RDH13: variants seen among roughly 807,000 people sequenced by gnomAD.
RDH13 encodes retinol dehydrogenase 13, also known as retinol dehydrogenase 13 (all-trans and 9-cis).
In RDH13, 35 loss-of-function variants were observed where a neutral mutation model predicts 28.3. The ratio of observed to expected loss-of-function variants is 1.24; its 90% CI spans 0.95 to 1.64. RDH13 has a LOEUF of 1.64. Ranked by LOEUF, RDH13 falls within the 40% of genes most tolerant of loss-of-function variation. The probability of loss-of-function intolerance (pLI) is 0.00; values close to 1 mark genes in which losing one functional copy is unlikely to be tolerated. For missense variants in RDH13, 514 were observed against 446.3 expected, an observed-to-expected ratio of 1.15 and a Z score of -1.37; for synonymous variants, 229 against 198.5, an observed-to-expected ratio of 1.15 and a Z score of -1.29.
At chr19:55,040,471 A>G (rs557213697), downstream of RDH13, 1 of 152,150 alleles carries the variant, frequency 6.6e-6, no homozygotes, top group African/African-American at 2.4e-5. Context: ...TTGTATGTGC[A>G]CTTACAGGTG....
intron 2 of RDH13, among the ~76,000 whole-genome samples, chr19:55,057,967 G>T (rs1271807953): frequency 1.3e-5 from 2 of 151,696 alleles, no homozygotes; most frequent in African/African-American, 4.8e-5. Context: ...TAGAGATGGG[G>T]GTGTTGCTAT....
Position 55,055,434 on chromosome 19 carries a change from G to A in RDH13, c.340+1219C>T, listed in dbSNP as rs560057950. Among the ~76,000 whole-genome samples, 10 of 152,132 alleles carry A rather than the reference G, an allele frequency of 6.6e-5. 1 individual carries two copies. The highest frequency in any genetic ancestry group is 3.3e-4 in the Admixed American group (5 of 15,284). The stretch of plus-strand genomic sequence containing the variant: ...TCCCAAAGTGCTGGGATTAACAGGC[G>A]TGAGCCACTGTGCCCAGCCAGTTCT... On this transcript the variant is annotated intron_variant, in intron 3 of 6. Transcript: ENST00000415061.
rs375084398 is a variant in RDH13, at chr19:55,045,185, G to A, written c.885C>T (p.Ala295=). The A allele has an allele frequency of 1.8e-4, 284 of 1,613,558 alleles. No individual in the cohort carries two copies. The highest frequency in any genetic ancestry group is 1.3e-4 in the African/African-American group (10 of 74,946). Residue 295 remains alanine, a synonymous_variant, in exon 7 of 7, where the codon GCC becomes GCT. Transcript: ENST00000415061. The part of the protein sequence containing the change: ...GKYFDGLKQK[A]PAPEAEDEEV... ...CCTCATCCTCAGCCTCGGGGGCCGG[G>A]GCCTTCTGTTTGAGTCCATCGAAGT...
At chr19:55,045,881 G>C (rs1489439572) in intron 6 of RDH13, among the ~76,000 whole-genome samples, 1 of 150,316 alleles carries the variant, frequency 6.7e-6, no homozygotes, top group African/African-American at 2.5e-5. Flanking sequence ...GGGAGGCGGA[G>C]GTTGCAGTGA....
rs544021653 is a variant in RDH13 at position 55,048,308 on chromosome 19, C to T, written c.658+21G>A. On this transcript the variant is annotated intron_variant, in intron 5 of 6. Transcript: ENST00000415061. ...GGCTCAGAGTAAAGCAAGAGGGAGG[C>T]CGAGCCTAGCGCCCCCGTACCTTGC... 99 of 1,613,526 alleles carry T rather than the reference C, an allele frequency of 6.1e-5. No individual in the cohort carries two copies. In the South Asian group the frequency reaches 1.0e-3, roughly 17 times the overall value.
At chr19:55,061,904 G>C (rs1437694004) in intron 1 of RDH13, among the ~76,000 whole-genome samples, 2 of 152,120 alleles carry the variant, frequency 1.3e-5, no homozygotes, top group African/African-American at 4.8e-5. Context: ...GATCCCCTTT[G>C]GTCGGGAGCT....
At position 55,045,080 on chromosome 19, in the gene RDH13, GGGGA is replaced by G; in HGVS notation, c.986_989del (p.Leu329ProfsTer82). 2.5e-6 allele frequency: 4 copies of G among 1,600,372 alleles called. No homozygotes were observed. Among genetic ancestry groups the G allele is most frequent in the Non-Finnish European group, 3.4e-6 (4 of 1,173,478 alleles). On this transcript the variant is annotated frameshift_variant, in exon 7 of 7. Transcript: ENST00000415061. LOFTEE classifies it high-confidence loss of function. ...TTCAAATCTGCTCCAGAGGTTATCT[GGGGA>G]GGGGCTGCTCCCTCACAGAGGGAGC...
chr19:55,040,037 G>A (rs2074982949), downstream of RDH13, among the ~76,000 whole-genome samples: 1 of 152,196 alleles, frequency 6.6e-6, no homozygotes, highest in South Asian at 2.1e-4. Context: ...TGGGAAAAGT[G>A]GGGAGTTACT....
At chr19:55,059,830 T>G (rs1381009567) in intron 1 of RDH13, among the ~76,000 whole-genome samples, 2 of 152,232 alleles carry the variant, frequency 1.3e-5, no homozygotes, top group African/African-American at 2.4e-5. Context: ...CCCAGCCACT[T>G]TGACCCAATC....
At chr19:55,049,122 G>A (rs1442510868) in intron 3 of RDH13, among the ~76,000 whole-genome samples, 11 of 152,166 alleles carry the variant, frequency 7.2e-5, no homozygotes, top group Non-Finnish European at 1.2e-4. Context: ...GGGACACCGC[G>A]ATTCAGACTG....
downstream of RDH13, chr19:55,040,852 C>T (rs1034555015): frequency 5.3e-5 from 8 of 152,174 alleles, no homozygotes; most frequent in East Asian, 5.8e-4. Context: ...CCCGGCTGGG[C>T]GTGGTGGCTC....
chr19:55,044,668 C>T lies in RDH13; in HGVS notation c.*406G>A, dbSNP rs1250847216. ...GAGAGGACCATGCATGCACAAGGTCCCACAGGGACCCAAGAATCCACCAAG... is the reference window on the plus strand; with the variant it reads ...GAGAGGACCATGCATGCACAAGGTCTCACAGGGACCCAAGAATCCACCAAG... On this transcript the variant is annotated 3_prime_UTR_variant, in exon 7 of 7. Coordinates refer to ENST00000415061, the MANE Select transcript of RDH13 (RefSeq NM_001145971.2). The T allele has an allele frequency of 4.8e-6, 1 of 207,258 alleles. No homozygotes were observed. Among genetic ancestry groups the T allele is most frequent in the East Asian group, 1.1e-4 (1 of 9,470 alleles). 12.8% of individuals were successfully genotyped at this position (207,258 alleles called of 1,614,324 possible). A position where few individuals can be genotyped will look rare whatever the true frequency, so the allele number is the denominator to read the frequency against.
At chr19:55,063,321 T>C (rs1241658586), upstream of RDH13, 4 of 372,384 alleles carry the variant, frequency 1.1e-5, no homozygotes, top group South Asian at 1.2e-4. Flanking sequence ...GGGCCTATGG[T>C]TTGTTCGAAT....
chr19:55,045,292 G>A lies in RDH13; in HGVS notation c.778C>T (p.Leu260=). Residue 260 remains leucine (L), a synonymous_variant, in exon 7 of 7, where the codon CTG becomes TTG. Coordinates refer to ENST00000415061, the MANE Select transcript of RDH13 (RefSeq NM_001145971.2). ...STTLGPIFWL[L]VKSPELAAQP... is the part of the protein sequence containing the mutation. ...GCGGCCAGCTCGGGGCTCTTGACCA[G>A]CAGCCAGAAGATGGGCCCTGCAATC... 3 of 1,612,280 alleles carry A rather than the reference G, an allele frequency of 1.9e-6. No homozygotes were observed. Among genetic ancestry groups the A allele is most frequent in the Non-Finnish European group, 2.5e-6 (3 of 1,179,748 alleles).
downstream of RDH13, chr19:55,042,210 C>T (rs1012771475): frequency 1.1e-4 from 16 of 151,240 alleles, no homozygotes; most frequent in African/African-American, 3.6e-4. Context: ...ATTTATCAAA[C>T]TCAAACGCTA....
At chr19:55,055,829 G>A (rs949901864) in intron 3 of RDH13, among the ~76,000 whole-genome samples, 18 of 151,682 alleles carry the variant, frequency 1.2e-4, no homozygotes, top group African/African-American at 4.4e-4. Flanking sequence ...CTCTAGCCTG[G>A]GTGACAGAGA....
At chr19:55,061,763 AGCCTGGGT>A (rs751434227) in intron 1 of RDH13, among the ~76,000 whole-genome samples, 14 of 150,776 alleles carry the variant, frequency 9.3e-5, no homozygotes, top group Non-Finnish European at 1.8e-4. Flanking sequence ...ACTGCACTCC[AGCCTGGGT>A]GACAGAGAGA....
At chr19:55,065,614 A>G (rs902716363), upstream of RDH13, among the ~76,000 whole-genome samples, 3 of 151,724 alleles carry the variant, frequency 2.0e-5, 1 homozygote, top group Admixed American at 2.0e-4. Flanking sequence ...TGGCTGTTGC[A>G]CCTCCTCTGC....
chr19:55,053,584 G>A (rs528131216), intron 3 of RDH13, among the ~76,000 whole-genome samples: 2 of 152,100 alleles, frequency 1.3e-5, no homozygotes, highest in South Asian at 2.1e-4. Context: ...ATGAACCCGG[G>A]AGGCGGAGCT....
Sources: gnomAD v4.1 joint callset for allele counts (sites outside exome capture counted in the v4.1 genomes callset) on GRCh38, gnomAD v4.1.1 for gene constraint, MANE v1.5 for transcripts, NCBI Gene and HGNC (gene_info 2026-07-23, HGNC 2026-07-21) for gene names.